HDAC9: variants seen among roughly 807,000 people sequenced by gnomAD.
HDAC9 encodes the protein MEF-2 interacting transcription repressor (MITR) protein.
Under a neutral mutation model 139.4 loss-of-function variants are expected in HDAC9, and 41 were observed. The ratio of observed to expected loss-of-function variants is 0.29; its 90% CI spans 0.23 to 0.38. HDAC9 has a LOEUF of 0.38. HDAC9 is among the 10% of genes least tolerant of loss of function. The pLI is 1.00. For missense variants in HDAC9, 1,147 were observed against 1,297.0 expected (o/e 0.88, Z 1.78); for synonymous variants, 517 against 476.2 (o/e 1.09, Z -1.12).
intron 13 of HDAC9, among the ~76,000 whole-genome samples, chr7:18,739,290 G>T (rs369518375): frequency 2.6e-5 from 4 of 152,166 alleles, no homozygotes; most frequent in African/African-American, 9.7e-5. Context: ...TCTCCATCCA[G>T]CCTTGTTCCA....
At position 18,629,456 on chromosome 7, in the gene HDAC9, C is replaced by T; in HGVS notation, c.771C>T (p.Phe257=). The change falls in exon 7 of 26, where the codon TTC becomes TTT. Residue 257 remains phenylalanine (F), a synonymous_variant. Transcript: ENST00000686413. ...AGGATGGAAATGTTGTCACTTCATTCAAGAAGCGAATGTTTGAGGTGACAG... is the reference window on the plus strand; with the variant it reads ...AGGATGGAAATGTTGTCACTTCATTTAAGAAGCGAATGTTTGAGGTGACAG... ...RRKDGNVVTS[F]KKRMFEVTES... The T allele has an allele frequency of 6.2e-7, 1 of 1,611,654 alleles. No individual in the cohort carries two copies. Among genetic ancestry groups the T allele is most frequent in the South Asian group, 1.1e-5 (1 of 90,960 alleles).
chr7:18,863,064 G>A (rs1445958652), intron 21 of HDAC9, among the ~76,000 whole-genome samples: 1 of 152,144 alleles, frequency 6.6e-6, no homozygotes, highest in Non-Finnish European at 1.5e-5. Context: ...GAACCAGCTG[G>A]ACAAGAGAGG....
intron 1 of HDAC9, among the ~76,000 whole-genome samples, chr7:18,303,225 CTT>C (rs560496191): frequency 2.0e-5 from 3 of 148,466 alleles, no homozygotes; most frequent in African/African-American, 4.9e-5. Flanking sequence ...GAATAAGACT[CTT>C]TTTTTTTTGA....
chr7:18,851,212 T>G (rs1471542788), intron 21 of HDAC9, among the ~76,000 whole-genome samples: 2 of 152,110 alleles, frequency 1.3e-5, no homozygotes, highest in East Asian at 3.8e-4. Context: ...GCTGATACGG[T>G]TTGGCTCTGA....
intron 2 of HDAC9, among the ~76,000 whole-genome samples, chr7:18,188,805 C>G (rs1790107473): frequency 6.7e-6 from 1 of 149,894 alleles, no homozygotes; most frequent in African/African-American, 2.5e-5. Flanking sequence ...CTATCTCATG[C>G]CAGTTAGAAT....
chr7:18,358,653 T>G (rs1388265680), intron 1 of HDAC9, among the ~76,000 whole-genome samples: 1 of 152,218 alleles, frequency 6.6e-6, no homozygotes, highest in African/African-American at 2.4e-5. Context: ...TGTTAGGAAC[T>G]TATCTTTTAA....
chr7:18,796,278 C>A (rs908906634), intron 17 of HDAC9, among the ~76,000 whole-genome samples: 1 of 152,106 alleles, frequency 6.6e-6, no homozygotes, highest in Non-Finnish European at 1.5e-5. Flanking sequence ...AAAGAAAATG[C>A]CAGAAAAAAT....
chr7:18,786,025 G>C (rs545253006), intron 16 of HDAC9, among the ~76,000 whole-genome samples: 1 of 152,078 alleles, frequency 6.6e-6, no homozygotes, highest in South Asian at 2.1e-4. Flanking sequence ...TTATAGAGTA[G>C]GGAAGTATAT....
intron 1 of HDAC9, among the ~76,000 whole-genome samples, chr7:18,361,721 T>A (rs1783792428): frequency 6.6e-6 from 1 of 152,106 alleles, no homozygotes; most frequent in Non-Finnish European, 1.5e-5. Context: ...TAACTTTAAT[T>A]CATAGAGCAA....
intron 2 of HDAC9, among the ~76,000 whole-genome samples, chr7:18,536,149 G>T (rs1810832276): frequency 6.6e-6 from 1 of 152,172 alleles, no homozygotes; most frequent in Admixed American, 6.5e-5. Context: ...TGCAATGAAT[G>T]ACTGGCAGAA....
chr7:18,648,084 C>G, intron 10 of HDAC9, 86 bp downstream of exon 10: 1 of 1,056,402 alleles, frequency 9.5e-7, no homozygotes, highest in Non-Finnish European at 1.4e-6. Context: ...ACTCAAGACC[C>G]TGATGGAGAT....
At chr7:18,772,816 C>G (rs1043740910) in intron 16 of HDAC9, among the ~76,000 whole-genome samples, 67 of 152,002 alleles carry the variant, frequency 4.4e-4, no homozygotes, top group Non-Finnish European at 1.6e-4. Flanking sequence ...TTTCATGCTG[C>G]AAATTCTGTA....
intron 23 of HDAC9, among the ~76,000 whole-genome samples, chr7:18,946,538 T>A (rs1782416624): frequency 6.6e-6 from 1 of 152,084 alleles, no homozygotes; most frequent in Non-Finnish European, 1.5e-5. Flanking sequence ...AAATGGACTT[T>A]AAGGCAAGAA....
At chr7:18,939,729 G>A (rs1017785083) in intron 23 of HDAC9, among the ~76,000 whole-genome samples, 1 of 152,180 alleles carries the variant, frequency 6.6e-6, no homozygotes, top group African/African-American at 2.4e-5. Context: ...ACAAAAGGAT[G>A]TCTTTCAGAT....
intron 2 of HDAC9, among the ~76,000 whole-genome samples, chr7:18,515,137 A>T (rs1802758511): frequency 6.6e-6 from 1 of 152,208 alleles, no homozygotes; most frequent in Non-Finnish European, 1.5e-5. Context: ...GTCATATTTT[A>T]TTGGGTTTTA....
At chr7:18,403,676 T>C (rs958027075) in intron 1 of HDAC9, among the ~76,000 whole-genome samples, 6 of 152,208 alleles carry the variant, frequency 3.9e-5, no homozygotes, top group African/African-American at 4.8e-5. Flanking sequence ...TAAACATTTA[T>C]TGAGTAGCTA....
chr7:18,107,964 G>A (rs1783339024), intron 1 of HDAC9, among the ~76,000 whole-genome samples: 1 of 152,110 alleles, frequency 6.6e-6, no homozygotes, highest in African/African-American at 2.4e-5. Flanking sequence ...CAGATTCTTA[G>A]ACAAAGATTT....
intron 17 of HDAC9, among the ~76,000 whole-genome samples, chr7:18,817,945 T>G (rs763736323): frequency 9.2e-5 from 14 of 152,194 alleles, no homozygotes; most frequent in Non-Finnish European, 1.8e-4. Flanking sequence ...CAACCTACAT[T>G]TAAGCAAAAA....
chr7:18,620,891 G>T (rs369479964), intron 6 of HDAC9, among the ~76,000 whole-genome samples: 1 of 151,944 alleles, frequency 6.6e-6, no homozygotes, highest in African/African-American at 2.4e-5. Context: ...TGTGATAAAC[G>T]TTAAGAATTA....
Sources: allele counts gnomAD v4.1 joint callset (sites outside exome capture counted in the v4.1 genomes callset), GRCh38; gene constraint gnomAD v4.1.1; transcripts MANE v1.5; gene names NCBI Gene and HGNC (gene_info 2026-07-23, HGNC 2026-07-21).